Variants in GPHN observed in about 807,000 individuals in gnomAD.
GPHN encodes gephyrin.
GPHN carries 17 observed loss-of-function variants against 95.5 expected under a neutral mutation model. The ratio of observed to expected loss-of-function variants is 0.18; its 90% CI spans 0.12 to 0.27. The LOEUF (loss-of-function observed/expected upper bound fraction) is 0.27, where lower values mean the gene tolerates loss of function less well. GPHN is among the 10% of genes least tolerant of loss of function. The pLI is 1.00. For synonymous variants in GPHN, 320 were observed against 322.5 expected, an observed-to-expected ratio of 0.99 and a Z score of 0.08; for missense variants, 660 against 978.1, an observed-to-expected ratio of 0.67 and a Z score of 4.34.
the GPHN span, among the ~76,000 whole-genome samples, chr14:67,558,717 T>A: frequency 6.6e-6 from 1 of 152,228 alleles, no homozygotes; most frequent in East Asian, 1.9e-4. Flanking sequence ...AAGTCACTTC[T>A]TGCCATAGCC....
chr14:66,588,732 G>A (rs1379394564), intron 1 of GPHN, among the ~76,000 whole-genome samples: 1 of 152,168 alleles, frequency 6.6e-6, no homozygotes, highest in African/African-American at 2.4e-5. Context: ...ATGGGACTAT[G>A]TGAAAAGACC....
the GPHN span, among the ~76,000 whole-genome samples, chr14:67,463,635 T>C: frequency 1.1e-5 from 1 of 87,822 alleles, no homozygotes; most frequent in Non-Finnish European, 1.9e-5. Flanking sequence ...TGAGACTCCG[T>C]CTCAAAAAAA....
intron 4 of GPHN, among the ~76,000 whole-genome samples, chr14:66,842,310 C>T (rs2062132788): frequency 6.6e-6 from 1 of 152,076 alleles, no homozygotes; most frequent in Non-Finnish European, 1.5e-5. Flanking sequence ...AATCTGTCCC[C>T]TCTGCTCATT....
chr14:66,517,354 A>G (rs1251328299), intron 1 of GPHN, among the ~76,000 whole-genome samples: 1 of 152,188 alleles, frequency 6.6e-6, no homozygotes, highest in East Asian at 1.9e-4. Flanking sequence ...GCAAGTGGGC[A>G]CTACCCAAAG....
intron 5 of GPHN, among the ~76,000 whole-genome samples, chr14:66,888,376 A>G (rs530948746): frequency 1.3e-5 from 2 of 152,340 alleles, no homozygotes; most frequent in East Asian, 1.9e-4. Flanking sequence ...TTGTCCTCAG[A>G]CATGCATTTA....
intron 2 of GPHN, among the ~76,000 whole-genome samples, chr14:66,764,278 C>A (rs892983480): frequency 3.3e-5 from 5 of 152,026 alleles, no homozygotes; most frequent in Non-Finnish European, 7.4e-5. Context: ...AATACTGTGT[C>A]TTTCTATATA....
chr14:66,523,205 C>T (rs1318548449), intron 1 of GPHN, among the ~76,000 whole-genome samples: 1 of 152,050 alleles, frequency 6.6e-6, no homozygotes, highest in Non-Finnish European at 1.5e-5. Flanking sequence ...GTTACTTCCA[C>T]TGCACAATAT....
At chr14:67,261,119 T>C in the GPHN span, among the ~76,000 whole-genome samples, 1 of 152,306 alleles carries the variant, frequency 6.6e-6, no homozygotes, top group African/African-American at 2.4e-5. Flanking sequence ...GTGCTTAGCA[T>C]AGTGAATGAA....
chr14:67,440,274 C>T, the GPHN span, among the ~76,000 whole-genome samples: 1 of 152,136 alleles, frequency 6.6e-6, no homozygotes, highest in Admixed American at 6.5e-5. Flanking sequence ...TCCCAAAGAT[C>T]GAACCTCCTT....
At chr14:67,405,055 G>A in the GPHN span, among the ~76,000 whole-genome samples, 15 of 151,060 alleles carry the variant, frequency 9.9e-5, no homozygotes, top group Non-Finnish European at 2.1e-4. Context: ...CCAACATGGC[G>A]AAACCCCATC....
intron 2 of GPHN, among the ~76,000 whole-genome samples, chr14:66,763,854 T>A (rs2058855779): frequency 6.6e-6 from 1 of 152,062 alleles, no homozygotes; most frequent in African/African-American, 2.4e-5. Context: ...GCTCCACCTT[T>A]TGTCAGATCA....
chr14:66,698,371 G>A (rs933956897), intron 2 of GPHN, among the ~76,000 whole-genome samples: 2 of 152,002 alleles, frequency 1.3e-5, no homozygotes, highest in African/African-American at 4.8e-5. Context: ...AGAATTCATA[G>A]GTAAAAAGGG....
the GPHN span, among the ~76,000 whole-genome samples, chr14:67,188,109 A>G: frequency 6.6e-6 from 1 of 152,170 alleles, no homozygotes. Flanking sequence ...CAAGCTTAGG[A>G]CATGCAGCTG....
intron 3 of GPHN, among the ~76,000 whole-genome samples, chr14:66,808,981 A>G (rs1007975045): frequency 5.3e-5 from 8 of 152,210 alleles, no homozygotes; most frequent in African/African-American, 1.9e-4. Context: ...CAGAAGTTCA[A>G]GTGTGGCTAA....
intron 1 of GPHN, among the ~76,000 whole-genome samples, chr14:66,628,478 T>C (rs1228199544): frequency 6.6e-6 from 1 of 152,008 alleles, no homozygotes; most frequent in Non-Finnish European, 1.5e-5. Context: ...TGTAAATATG[T>C]GGTATAAAAG....
the GPHN span, among the ~76,000 whole-genome samples, chr14:67,246,282 G>A: frequency 2.0e-5 from 3 of 151,168 alleles, no homozygotes; most frequent in Non-Finnish European, 3.0e-5. Flanking sequence ...GCGTGCCACC[G>A]CACTTGGCTG....
At chr14:67,536,087 G>A in the GPHN span, among the ~76,000 whole-genome samples, 1 of 152,230 alleles carries the variant, frequency 6.6e-6, no homozygotes, top group East Asian at 1.9e-4. Flanking sequence ...TCTCTTTGCT[G>A]TTTTTGTTCT....
At chr14:67,237,370 C>T in the GPHN span, among the ~76,000 whole-genome samples, 1 of 152,008 alleles carries the variant, frequency 6.6e-6, no homozygotes, top group Non-Finnish European at 1.5e-5. Context: ...CATATAATAG[C>T]CTTAGTTAAG....
intron 1 of GPHN, among the ~76,000 whole-genome samples, chr14:66,635,995 A>T (rs1443750721): frequency 6.6e-6 from 1 of 152,176 alleles, no homozygotes; most frequent in Non-Finnish European, 1.5e-5. Flanking sequence ...AAAGAAAAAG[A>T]AAAAGTGATT....
Sources: gnomAD v4.1 joint callset for allele counts (sites outside exome capture counted in the v4.1 genomes callset) on GRCh38, gnomAD v4.1.1 for gene constraint, MANE v1.5 for transcripts, NCBI Gene and HGNC (gene_info 2026-07-23, HGNC 2026-07-21) for gene names.